MED13L: variants seen among roughly 807,000 people sequenced by gnomAD.
MED13L encodes mediator complex subunit 13L, also known as mediator of RNA polymerase II transcription subunit 13-like.
A neutral mutation model predicts 220.9 loss-of-function variants in MED13L; 7 were observed. The observed-to-expected ratio is 0.03, with a 90% CI of 0.02 to 0.06. The LOEUF is 0.06. Among genes scored for constraint, MED13L ranks in the 10% least tolerant of loss-of-function variants. The pLI is 1.00. For missense variants in MED13L, 1,965 were observed against 2,760.5 expected (o/e 0.71, Z 6.46); for synonymous variants, 1,011 against 1,015.2 (o/e 1.00, Z 0.08).
At chr12:116,219,034 C>T (rs1315885163) in intron 2 of MED13L, among the ~76,000 whole-genome samples, 1 of 152,170 alleles carries the variant, frequency 6.6e-6, no homozygotes, top group Non-Finnish European at 1.5e-5. Flanking sequence ...CCACACCCAG[C>T]CTATACCGAA....
At chr12:116,170,317 G>A (rs180860263) in intron 2 of MED13L, among the ~76,000 whole-genome samples, 1 of 152,252 alleles carries the variant, frequency 6.6e-6, no homozygotes, top group Admixed American at 6.5e-5. Context: ...TTTATCACAA[G>A]CAACAGATAC....
chr12:115,983,270 G>A lies in MED13L; in HGVS notation c.4802C>T (p.Thr1601Ile). Residue 1601 changes from threonine to isoleucine, a missense_variant, in exon 21 of 31, where the codon ACT becomes ATT. Around this residue, in one of 10 missense-constraint regions of MED13L, gnomAD observed 510 missense variants for 620.4 expected, o/e 0.82. Transcript: ENST00000281928. ...ASAPGISQISTTSSSGFSGSV... is the reference protein window; with the variant it reads ...ASAPGISQISITSSSGFSGSV... ...ACCACTGAATCCTGAAGAAGAGGTA[G>A]TGCTTATCTGGCTAATACCAGGAGC... is the stretch of plus-strand genomic sequence containing the variant. 6.2e-7 allele frequency: 1 copy of A among 1,614,214 alleles called. No homozygotes were observed. Among genetic ancestry groups the A allele is most frequent in the Non-Finnish European group, 8.5e-7 (1 of 1,180,040 alleles).
In MED13L at chr12:115,982,462, C is replaced by A. The variant is rs1877394265; in HGVS notation, c.5097G>T (p.Trp1699Cys). The A allele has an allele frequency of 6.2e-7, 1 of 1,614,002 alleles. No homozygotes were observed. Among genetic ancestry groups the A allele is most frequent in the African/African-American group, 1.3e-5 (1 of 74,896 alleles). ...AEEDSTSGNF[W>C]LLSLMRCYTE... ...TGTAGCAGCGCATCAAGCTCAACAGCCAAAAGTTCCCAGAAGTGGAGTCCT... is the reference window on the plus strand; with the variant it reads ...TGTAGCAGCGCATCAAGCTCAACAGACAAAAGTTCCCAGAAGTGGAGTCCT... Residue 1699 changes from tryptophan (W) to cysteine (C), a missense_variant, in exon 22 of 31, where the codon TGG (tryptophan) becomes TGT (cysteine). Around this residue, in one of 10 missense-constraint regions of MED13L, gnomAD observed 510 missense variants for 620.4 expected, o/e 0.82. Coordinates refer to ENST00000281928, the MANE Select transcript of MED13L (RefSeq NM_015335.5).
rs1217069713 is a variant in MED13L at position 116,015,146 on chromosome 12, C to T, written c.1138G>A (p.Val380Ile). The change falls in exon 8 of 31, where the codon GTC becomes ATC. Residue 380 changes from valine to isoleucine, a missense_variant. Around this residue, in one of 10 missense-constraint regions of MED13L, gnomAD observed 818 missense variants for 1,041.2 expected, o/e 0.79. Transcript: ENST00000281928. ...PKLHNHMVHRVWKECILNRTQ... is the reference protein window; with the variant it reads ...PKLHNHMVHRIWKECILNRTQ... ...CTGTTGAGGATGCATTCCTTCCAGA[C>T]TCGATGGACCATATGATTGTGGAGT... is the stretch of plus-strand genomic sequence containing the variant. The T allele has an allele frequency of 6.2e-7, 1 of 1,613,826 alleles. No homozygotes were observed. The highest frequency in any genetic ancestry group is 2.2e-5 in the East Asian group (1 of 44,844).
rs1363021639 is a variant in MED13L at position 116,082,082 on chromosome 12, T to C, written c.479+14587A>G. ...AGAAGGCTAAGGACAAAAGAATAAA[T>C]GGCAATATTTGTATAATTAGTTACT... On this transcript the variant is annotated intron_variant, in intron 4 of 30. Transcript: ENST00000281928. Among the ~76,000 whole-genome samples the C allele has an allele frequency of 2.6e-5, 4 of 152,306 alleles. No individual in the cohort carries two copies. In the East Asian group the frequency reaches 7.7e-4, roughly 29 times the overall value.
intron 2 of MED13L, among the ~76,000 whole-genome samples, chr12:116,185,717 A>G (rs181691313): frequency 8.7e-4 from 125 of 143,910 alleles, no homozygotes; most frequent in African/African-American, 3.2e-3. Flanking sequence ...TCTTTTCGAG[A>G]TAAGAGTCTC....
chr12:116,016,439 C>T (rs1313932173), intron 7 of MED13L, among the ~76,000 whole-genome samples: 1 of 152,028 alleles, frequency 6.6e-6, no homozygotes, highest in Non-Finnish European at 1.5e-5. Flanking sequence ...GTTCATGATG[C>T]AAAAGAATTA....
At chr12:116,063,641 T>C (rs1869690687) in intron 4 of MED13L, among the ~76,000 whole-genome samples, 1 of 152,220 alleles carries the variant, frequency 6.6e-6, no homozygotes. Flanking sequence ...AGATAAATGG[T>C]TATTATAAGC....
intron 2 of MED13L, among the ~76,000 whole-genome samples, chr12:116,192,425 A>G (rs537376501): frequency 6.6e-6 from 1 of 152,252 alleles, no homozygotes; most frequent in Non-Finnish European, 1.5e-5. Context: ...AACAAAGCTA[A>G]TAAGAAATGA....
At chr12:116,240,088 C>T (rs1157268432) in intron 1 of MED13L, among the ~76,000 whole-genome samples, 1 of 151,580 alleles carries the variant, frequency 6.6e-6, no homozygotes, top group Non-Finnish European at 1.5e-5. Context: ...TGTTCATACC[C>T]TTTGTCCATT....
chr12:116,164,937 A>G (rs1031983326), intron 2 of MED13L, among the ~76,000 whole-genome samples: 2 of 152,230 alleles, frequency 1.3e-5, no homozygotes, highest in Non-Finnish European at 2.9e-5. Flanking sequence ...ACAAGCAAAA[A>G]GTGTAGCTGG....
At chr12:116,070,949 T>C (rs11067900) in intron 4 of MED13L, among the ~76,000 whole-genome samples, 4,861 of 152,276 alleles carry the variant, frequency 0.032, 427 homozygotes, top group Admixed American at 0.18. Context: ...ATTTCAATTA[T>C]AAACTAATGA....
chr12:116,119,722 T>C (rs1874832872), intron 2 of MED13L, among the ~76,000 whole-genome samples: 1 of 147,772 alleles, frequency 6.8e-6, no homozygotes, highest in Admixed American at 6.9e-5. Flanking sequence ...GAAGGCTCAC[T>C]TGAGTCAAAG....
chr12:116,238,962 G>A (rs967254838), intron 1 of MED13L, among the ~76,000 whole-genome samples: 1 of 152,066 alleles, frequency 6.6e-6, no homozygotes, highest in Non-Finnish European at 1.5e-5. Flanking sequence ...GGGCGTGGTG[G>A]CGTGTGCCTG....
Position 115,983,402 on chromosome 12 carries a change from G to C in MED13L, c.4670C>G (p.Pro1557Arg), listed in dbSNP as rs781121460. 5.0e-5 allele frequency: 81 copies of C among 1,614,158 alleles called. No individual in the cohort carries two copies. The highest frequency in any genetic ancestry group is 6.8e-5 in the Non-Finnish European group (80 of 1,180,012). ...GGTGGGATTAAATGCACTGCCAGCT[G>C]GGGGAGCTGCTGATCCATTTGGAGC... ...PLAPNGSAAP[P>R]AGSAFNPTSN... The change falls in exon 21 of 31, where the codon CCA (proline) becomes CGA (arginine). Residue 1557 changes from proline (P) to arginine (R), a missense_variant. Physicochemically the swap from Pro to Arg is moderately radical, Grantham distance 103. Coordinates refer to ENST00000281928, the MANE Select transcript of MED13L (RefSeq NM_015335.5).
At chr12:116,000,398 C>T (rs1878665373) in intron 14 of MED13L, among the ~76,000 whole-genome samples, 1 of 152,222 alleles carries the variant, frequency 6.6e-6, no homozygotes, top group Non-Finnish European at 1.5e-5. Context: ...TTACTCCCAT[C>T]CTGCCTATCT....
At chr12:116,008,019 G>C (rs1166799187) in intron 10 of MED13L, 2 of 323,440 alleles carry the variant, frequency 6.2e-6, no homozygotes, top group Non-Finnish European at 1.1e-5. Context: ...TATTATACTA[G>C]ATACATGATA....
chr12:116,095,087 G>A (rs746357147), intron 4 of MED13L, among the ~76,000 whole-genome samples: 6 of 152,054 alleles, frequency 3.9e-5, no homozygotes, highest in Non-Finnish European at 7.4e-5. Context: ...GCTTGAACCC[G>A]GGAGGCAGAG....
At chr12:116,236,014 A>G (rs1255299621) in intron 2 of MED13L, among the ~76,000 whole-genome samples, 2 of 152,206 alleles carry the variant, frequency 1.3e-5, no homozygotes, top group African/African-American at 2.4e-5. Context: ...GAAAAAAAGT[A>G]AAAATATGTT....
Sources: allele counts gnomAD v4.1 joint callset (sites outside exome capture counted in the v4.1 genomes callset), GRCh38; gene constraint gnomAD v4.1.1; regional missense constraint gnomAD v4.1.1; transcripts MANE v1.5; gene names NCBI Gene and HGNC (gene_info 2026-07-23, HGNC 2026-07-21).